ABL1: variants seen among roughly 807,000 people sequenced by gnomAD.
ABL1 encodes the protein tyrosine-protein kinase ABL1.
Under a neutral mutation model 94.7 loss-of-function variants are expected in ABL1, and 11 were observed. The observed-to-expected ratio is 0.12, with a 90% CI of 0.07 to 0.19. The LOEUF (loss-of-function observed/expected upper bound fraction) is 0.19. Ranked by LOEUF, ABL1 falls within the 10% of genes least tolerant of loss-of-function variation. The pLI, the probability that ABL1 is intolerant of heterozygous loss-of-function variation, is 1.00. For missense variants in ABL1, 1,082 were observed against 1,489.4 expected, an observed-to-expected ratio of 0.73 and a Z score of 4.50; for synonymous variants, 656 against 622.4, an observed-to-expected ratio of 1.05 and a Z score of -0.80.
intron 1 of ABL1, chr9:130,724,747 TAAAAAAAAAAA>T (rs34124679): frequency 2.0e-4 from 63 of 310,226 alleles, no homozygotes; most frequent in Non-Finnish European, 2.6e-4. Context: ...ACCCTGTCTT[TAAAAAAAAAAA>T]AAAAAAAAAA....
chr9:130,771,760 T>TTCTTTCTTTCTTTCTTTCTTTC (rs1588233099), intron 1 of ABL1, among the ~76,000 whole-genome samples: 3 of 59,610 alleles, frequency 5.0e-5, no homozygotes, highest in Non-Finnish European at 1.2e-4. Flanking sequence ...TTCTTTTTTT[T>TTCTTTCTTTCTTTCTTTCTTTC]TTTTTTTTTT....
At chr9:130,785,351 G>A (rs1829812511) in intron 1 of ABL1, among the ~76,000 whole-genome samples, 2 of 152,148 alleles carry the variant, frequency 1.3e-5, no homozygotes, top group African/African-American at 2.4e-5. Flanking sequence ...TCTCCACCAC[G>A]TGGTGGGCTG....
chr9:130,799,934 G>A (rs1221339260), intron 1 of ABL1, among the ~76,000 whole-genome samples: 1 of 151,602 alleles, frequency 6.6e-6, no homozygotes, highest in African/African-American at 2.4e-5. Context: ...GTGCAGTGGC[G>A]CAATCTCGGC....
intron 1 of ABL1, among the ~76,000 whole-genome samples, chr9:130,802,546 A>G (rs1472315140): frequency 6.6e-6 from 1 of 152,048 alleles, no homozygotes; most frequent in African/African-American, 2.4e-5. Flanking sequence ...TAGAATTGCC[A>G]TTTAATTATT....
chr9:130,878,509 C>G lies in ABL1; in HGVS notation c.1365C>G (p.Asp455Glu). 1 of 1,614,232 alleles carries G rather than the reference C, an allele frequency of 6.2e-7. No individual in the cohort carries two copies. Among genetic ancestry groups the G allele is most frequent in the Non-Finnish European group, 8.5e-7 (1 of 1,180,046 alleles). The change falls in exon 8 of 11, where the codon GAC becomes GAG. Residue 455 changes from aspartate (D) to glutamate (E), a missense_variant. Around this residue, in one of 7 missense-constraint regions of ABL1, gnomAD observed 76 missense variants for 177.1 expected, o/e 0.43. Coordinates refer to ENST00000318560, the MANE Select transcript of ABL1 (RefSeq NM_005157.6). ...AGGTGTATGAGCTGCTAGAGAAGGA[C>G]TACCGCATGGAGCGCCCAGAAGGCT... ...LSQVYELLEKDYRMERPEGCP... is the reference protein window; with the variant it reads ...LSQVYELLEKEYRMERPEGCP...
chr9:130,770,474 T>G (rs958037934), intron 1 of ABL1, among the ~76,000 whole-genome samples: 1 of 152,222 alleles, frequency 6.6e-6, no homozygotes, highest in Non-Finnish European at 1.5e-5. Flanking sequence ...ACCACTGCAC[T>G]CCAGCCTGGG....
rs1203542528 is a variant in ABL1 at position 130,721,827 on chromosome 9, T to TG, written c.136+7372_136+7373insG. Among the ~76,000 whole-genome samples, 6 of 149,096 alleles carry TG rather than the reference T, an allele frequency of 4.0e-5. No homozygotes were observed. In the East Asian group the frequency reaches 9.8e-4, roughly 24 times the overall value. ...AATTTGTCAGGTTTTTTTTTGTTTTTTTTTTTTTTTTTGAGACAGAGCCTT... is the reference window on the plus strand; with the variant it reads ...AATTTGTCAGGTTTTTTTTTGTTTTTGTTTTTTTTTTTTGAGACAGAGCCTT... On this transcript the variant is annotated intron_variant, in intron 1 of 10. Transcript: ENST00000372348.
At chr9:130,760,913 C>T (rs918246501) in intron 1 of ABL1, among the ~76,000 whole-genome samples, 7 of 145,644 alleles carry the variant, frequency 4.8e-5, no homozygotes, top group South Asian at 2.2e-4. Flanking sequence ...GGTCAGCCCC[C>T]GCAAAGTGCT....
At chr9:130,802,914 G>A (rs1830075346) in intron 1 of ABL1, among the ~76,000 whole-genome samples, 1 of 152,166 alleles carries the variant, frequency 6.6e-6, no homozygotes, top group Non-Finnish European at 1.5e-5. Context: ...TTAGTCTGTA[G>A]CTGAGCTGCT....
At chr9:130,844,036 C>T (rs1404120205) in intron 1 of ABL1, among the ~76,000 whole-genome samples, 1 of 152,170 alleles carries the variant, frequency 6.6e-6, no homozygotes, top group East Asian at 1.9e-4. Flanking sequence ...CAAAGCACAT[C>T]ATGATCCCAG....
chr9:130,883,794 G>A (rs1831508469), intron 10 of ABL1, among the ~76,000 whole-genome samples, 175 bp from the exon 11 acceptor site: 1 of 152,184 alleles, frequency 6.6e-6, no homozygotes, highest in Non-Finnish European at 1.5e-5. Flanking sequence ...GAGATAAGAA[G>A]GGATGACCTT....
intron 4 of ABL1, among the ~76,000 whole-genome samples, chr9:130,871,047 C>A (rs1419347464): frequency 6.6e-6 from 1 of 152,224 alleles, no homozygotes; most frequent in Non-Finnish European, 1.5e-5. Context: ...ATCAAGCCTT[C>A]CTCTTTGGGG....
chr9:130,874,551 A>T (rs539333925), intron 6 of ABL1, among the ~76,000 whole-genome samples: 106 of 152,336 alleles, frequency 7.0e-4, no homozygotes, highest in Non-Finnish European at 1.2e-3. Flanking sequence ...CACTCACAGC[A>T]ACCCTAAGAG....
intron 1 of ABL1, among the ~76,000 whole-genome samples, chr9:130,721,024 C>T (rs540798299): frequency 6.7e-6 from 1 of 148,662 alleles, no homozygotes; most frequent in Non-Finnish European, 1.5e-5. Context: ...AAAATATTTA[C>T]CATCAGGTAA....
chr9:130,884,388 A>G lies in ABL1; in HGVS notation c.2098A>G (p.Thr700Ala), dbSNP rs560008320. The change falls in exon 11 of 11, where the codon ACC becomes GCC. Residue 700 changes from threonine (T) to alanine (A), a missense_variant. Coordinates refer to ENST00000318560, the MANE Select transcript of ABL1 (RefSeq NM_005157.6). This position sits in a 1 kb window ranked among gnomAD's most constrained non-coding sequence, Gnocchi z 5.6. The part of the protein sequence containing the change: ...SSTLTSSRLA[T>A]GEEEGGGSSS... ...CACGCTGACCAGCAGCCGCCTAGCC[A>G]CCGGCGAGGAGGAGGGCGGTGGCAG... The G allele has an allele frequency of 3.1e-6, 5 of 1,611,936 alleles. No homozygotes were observed. In the African/African-American group the frequency reaches 6.7e-5, roughly 21 times the overall value.
chr9:130,842,270 T>C (rs1356281768), intron 1 of ABL1, among the ~76,000 whole-genome samples: 1 of 152,200 alleles, frequency 6.6e-6, no homozygotes, highest in Non-Finnish European at 1.5e-5. Context: ...GCCTTCATAA[T>C]AGAGTCTACG....
At chr9:130,883,457 A>G (rs573745478) in intron 10 of ABL1, among the ~76,000 whole-genome samples, 4 of 151,456 alleles carry the variant, frequency 2.6e-5, no homozygotes, top group East Asian at 1.9e-4. Flanking sequence ...AGATCGTGCC[A>G]CTGCACTCCA....
At chr9:130,864,300 C>T (rs1831121801) in intron 4 of ABL1, among the ~76,000 whole-genome samples, 1 of 152,158 alleles carries the variant, frequency 6.6e-6, no homozygotes, top group Non-Finnish European at 1.5e-5. Context: ...GGCTGGAGTG[C>T]AGTGGCATGA....
intron 1 of ABL1, among the ~76,000 whole-genome samples, chr9:130,748,411 CT>C (rs377618063): frequency 3.2e-4 from 48 of 149,618 alleles, no homozygotes; most frequent in African/African-American, 1.1e-3. Flanking sequence ...TGTTGTATCA[CT>C]TTTTTTTTTC....
Sources: gnomAD v4.1 joint callset for allele counts (sites outside exome capture counted in the v4.1 genomes callset) on GRCh38, gnomAD v4.1.1 for gene constraint, gnomAD v4.1.1 regional missense constraint, Gnocchi (gnomAD v3.1) non-coding constraint, MANE v1.5 for transcripts, NCBI Gene and HGNC (gene_info 2026-07-23, HGNC 2026-07-21) for gene names.